Variants in PRKRIP1 observed in about 807,000 individuals in gnomAD.
PRKRIP1 encodes PRKR-interacting protein 1.
A neutral mutation model predicts 29.3 loss-of-function variants in PRKRIP1; 29 were observed. That is an observed-to-expected ratio of 0.99 (90% CI 0.74 to 1.35). The LOEUF is 1.35. Ranked by LOEUF, PRKRIP1 falls within the 40% of genes most tolerant of loss-of-function variation. PRKRIP1 has a pLI of 0.00. For synonymous variants in PRKRIP1, 90 were observed against 85.1 expected (o/e 1.06, Z -0.32); for missense variants, 247 against 236.8 (o/e 1.04, Z -0.28).
At position 102,425,960 on chromosome 7, in the gene PRKRIP1, C is replaced by G. The variant is rs1302975885; in HGVS notation, c.*849C>G. ...GGGACTGGGTCAAGTGGGTGGAGCT[C>G]CTCCTTGCATGACTGCAACTGTCGG... On this transcript the variant is annotated 3_prime_UTR_variant, in exon 6 of 6. Coordinates refer to ENST00000397912, the MANE Select transcript of PRKRIP1 (RefSeq NM_024653.4). The G allele has an allele frequency of 6.5e-5, 10 of 153,158 alleles. No homozygotes were observed. The highest frequency in any genetic ancestry group is 1.3e-4 in the Admixed American group (2 of 15,290). 9.5% of individuals were successfully genotyped at this position (153,158 alleles called of 1,614,324 possible).
At chr7:102,412,707 G>A (rs1252534534) in intron 5 of PRKRIP1, among the ~76,000 whole-genome samples, 7 of 152,128 alleles carry the variant, frequency 4.6e-5, no homozygotes, top group East Asian at 1.9e-4. Context: ...GCTTTGGTGC[G>A]CCGTGGGTCC....
At chr7:102,415,802 C>T (rs1796519794) in intron 5 of PRKRIP1, among the ~76,000 whole-genome samples, 1 of 152,262 alleles carries the variant, frequency 6.6e-6, no homozygotes. Context: ...TGATCCCAGG[C>T]ACCCACACCC....
At chr7:102,407,589 T>G (rs1303929309) in intron 5 of PRKRIP1, 91 bp downstream of exon 5, 2 of 949,906 alleles carry the variant, frequency 2.1e-6, no homozygotes, top group African/African-American at 3.3e-5. Context: ...ACGGAGAGTT[T>G]GGGCTGGTTG....
Position 102,407,452 on chromosome 7 carries a change from G to T in PRKRIP1, c.411G>T (p.Lys137Asn). 1 of 1,611,610 alleles carries T rather than the reference G, an allele frequency of 6.2e-7. No individual in the cohort carries two copies. The highest frequency in any genetic ancestry group is 8.5e-7 in the Non-Finnish European group (1 of 1,177,706). The change falls in exon 5 of 6, where the codon AAG becomes AAT. Residue 137 changes from lysine (K) to asparagine (N), a missense_variant. Physicochemically the swap from Lys to Asn is moderately conservative, Grantham distance 94 (BLOSUM62 0). This residue lies in a region of PRKRIP1 where 134 missense variants were observed against 126.6 expected (regional missense o/e 1.06). Coordinates refer to ENST00000397912, the MANE Select transcript of PRKRIP1 (RefSeq NM_024653.4). ...TTTTTAGCCAGAAGTTAAAAGAGAA[G>T]AAATTACTGGCAAAGAAGATGAAAC... is the stretch of plus-strand genomic sequence containing the variant. ...RRKKRQKLKE[K>N]KLLAKKMKLE...
intron 5 of PRKRIP1, chr7:102,423,377 G>A: frequency 2.8e-6 from 1 of 355,844 alleles, no homozygotes; most frequent in Middle Eastern, 9.7e-4. Flanking sequence ...GCCTCCCAGG[G>A]TGTTGGGATT....
chr7:102,424,894 T>C, intron 5 of PRKRIP1, 120 bp from the exon 6 acceptor site: 1 of 1,004,722 alleles, frequency 1.0e-6, no homozygotes, highest in Non-Finnish European at 1.4e-6. Flanking sequence ...ATGACCCTGG[T>C]TTCTTGCCAT....
At chr7:102,404,748 C>T (rs1796166575) in intron 4 of PRKRIP1, 65 bp downstream of exon 4, 1 of 1,261,774 alleles carries the variant, frequency 7.9e-7, no homozygotes, top group African/African-American at 1.5e-5. Context: ...GTGAGCTGTC[C>T]TTGCAGTCAG....
At position 102,399,637 on chromosome 7, in the gene PRKRIP1, A is replaced by G. The variant is rs782764109; in HGVS notation, c.295A>G (p.Met99Val). The G allele has an allele frequency of 1.4e-5, 23 of 1,613,268 alleles. No homozygotes were observed. The highest frequency in any genetic ancestry group is 1.5e-5 in the Non-Finnish European group (18 of 1,179,376). Residue 99 changes from methionine to valine, a missense_variant, in exon 3 of 6, where the codon ATG becomes GTG. This residue lies in a region of PRKRIP1 where 134 missense variants were observed against 126.6 expected (regional missense o/e 1.06). Coordinates refer to ENST00000397912, the MANE Select transcript of PRKRIP1 (RefSeq NM_024653.4). Reference protein sequence around the residue: ...EYQRQDYMDAMAEKQKLDAEF... With the variant: ...EYQRQDYMDAVAEKQKLDAEF... ...TCAGCGACAGGACTACATGGATGCC[A>G]TGGCTGAGAAGGTCAGTGAGCCAGA... is the stretch of plus-strand genomic sequence containing the variant.
rs1263420039 is a variant in PRKRIP1 at position 102,396,395 on chromosome 7, G to A, written c.-17G>A. 1.3e-6 allele frequency: 2 copies of A among 1,536,362 alleles called. No homozygotes were observed. The highest frequency in any genetic ancestry group is 1.7e-6 in the Non-Finnish European group (2 of 1,147,990). ...CGCGCCGACGCCGCCGCTCGCTTGT[G>A]AAACTGGAAGGCTGCCATGGCTAGC... On this transcript the variant is annotated 5_prime_UTR_variant, in exon 1 of 6. Transcript: ENST00000397912.
intron 3 of PRKRIP1, among the ~76,000 whole-genome samples, chr7:102,403,508 A>AT (rs1356266081): frequency 8.6e-5 from 13 of 151,930 alleles, no homozygotes; most frequent in South Asian, 6.2e-4. Context: ...GTGGTTTTCT[A>AT]TTTTTTTTGA....
At chr7:102,411,691 C>T (rs1164429945) in intron 5 of PRKRIP1, among the ~76,000 whole-genome samples, 1 of 151,668 alleles carries the variant, frequency 6.6e-6, no homozygotes, top group African/African-American at 2.4e-5. Flanking sequence ...GACCTTAGTT[C>T]TATTTTTAAT....
chr7:102,419,887 GTGTGTGTGTT>G (rs1337397077), intron 5 of PRKRIP1, among the ~76,000 whole-genome samples: 4 of 115,280 alleles, frequency 3.5e-5, no homozygotes, highest in Admixed American at 1.8e-4. Context: ...GTGTGTGTGT[GTGTGTGTGTT>G]TTTGAGATGG....
chr7:102,425,042 C>T lies in PRKRIP1; in HGVS notation c.486C>T (p.Ser162=), dbSNP rs1796797355. The T allele has an allele frequency of 1.2e-6, 2 of 1,613,544 alleles. No individual in the cohort carries two copies. The highest frequency in any genetic ancestry group is 2.7e-5 in the African/African-American group (2 of 74,886). ...CCGGTCAGCCCAAGGAGCAGGGGTCCAGCAGCTCTGCGGAGGCATCTGGAA... is the reference window on the plus strand; with the variant it reads ...CCGGTCAGCCCAAGGAGCAGGGGTCTAGCAGCTCTGCGGAGGCATCTGGAA... ...EGPGQPKEQG[S]SSSAEASGTE... is the part of the protein sequence containing the mutation. Residue 162 remains serine (S), a synonymous_variant, in exon 6 of 6, where the codon TCC becomes TCT. Transcript: ENST00000397912.
intron 5 of PRKRIP1, among the ~76,000 whole-genome samples, chr7:102,411,078 A>G (rs1429316590): frequency 6.6e-6 from 1 of 152,008 alleles, no homozygotes. Flanking sequence ...ACAGGTGTGT[A>G]CCACCATGCC....
At chr7:102,403,343 C>T (rs552583219) in intron 3 of PRKRIP1, among the ~76,000 whole-genome samples, 1 of 152,194 alleles carries the variant, frequency 6.6e-6, no homozygotes, top group Non-Finnish European at 1.5e-5. Context: ...TAAGCAGATG[C>T]GTACAGCCCT....
At chr7:102,421,507 CA>C (rs1372392513) in intron 5 of PRKRIP1, among the ~76,000 whole-genome samples, 7 of 145,930 alleles carry the variant, frequency 4.8e-5, no homozygotes, top group East Asian at 2.1e-4. Flanking sequence ...AACCCTGTCT[CA>C]AAAAAAAAGG....
intron 4 of PRKRIP1, chr7:102,405,937 C>T: frequency 2.1e-5 from 7 of 336,146 alleles, no homozygotes; most frequent in Admixed American, 7.1e-5. Flanking sequence ...TTCTGCATCC[C>T]GCTGGTTGTG....
chr7:102,424,465 C>CG (rs1248248523), intron 5 of PRKRIP1, among the ~76,000 whole-genome samples: 1 of 152,222 alleles, frequency 6.6e-6, no homozygotes, highest in African/African-American at 2.4e-5. Flanking sequence ...TCCTCATGCT[C>CG]GGCTTCTGGC....
chr7:102,415,108 G>A (rs1334425111), intron 5 of PRKRIP1, among the ~76,000 whole-genome samples: 1 of 152,154 alleles, frequency 6.6e-6, no homozygotes, highest in Non-Finnish European at 1.5e-5. Context: ...GGGCACATGA[G>A]AGCCACTCAA....
Sources: gnomAD v4.1 joint callset for allele counts (sites outside exome capture counted in the v4.1 genomes callset) on GRCh38, gnomAD v4.1.1 for gene constraint, gnomAD v4.1.1 regional missense constraint, MANE v1.5 for transcripts, NCBI Gene and HGNC (gene_info 2026-07-23, HGNC 2026-07-21) for gene names.